Variants in ZCWPW2 observed in about 807,000 individuals in gnomAD.
ZCWPW2 encodes zinc finger CW-type PWWP domain protein 2.
A neutral mutation model predicts 46.6 loss-of-function variants in ZCWPW2; 45 were observed. The observed-to-expected ratio is 0.96, with a 90% confidence interval of 0.76 to 1.24. The LOEUF (loss-of-function observed/expected upper bound fraction) is 1.24. ZCWPW2 is among the 50% of genes most tolerant of loss of function. ZCWPW2 has a pLI of 0.00. For missense variants in ZCWPW2, 429 were observed against 403.9 expected (o/e 1.06, Z -0.53); for synonymous variants, 152 against 137.1 (o/e 1.11, Z -0.76).
chr3:28,351,226 A>G, intron 1 of ZCWPW2, among the ~76,000 whole-genome samples: 1 of 149,878 alleles, frequency 6.7e-6, no homozygotes, highest in Middle Eastern at 3.2e-3. Context: ...TGTCCTGTCT[A>G]CATGTTGTCG....
At chr3:28,495,294 A>G (rs1575207452) in intron 6 of ZCWPW2, among the ~76,000 whole-genome samples, 1 of 152,268 alleles carries the variant, frequency 6.6e-6, no homozygotes, top group Admixed American at 6.6e-5. Context: ...GTTGCCCTTT[A>G]TAAAAGAAAG....
At chr3:28,512,547 A>G (rs141550512) in intron 6 of ZCWPW2, among the ~76,000 whole-genome samples, 81 of 152,172 alleles carry the variant, frequency 5.3e-4, no homozygotes, top group African/African-American at 1.8e-3. Flanking sequence ...TTGTTTCTAT[A>G]TTATTCTTAT....
At chr3:28,356,441 T>G (rs893791987) in intron 1 of ZCWPW2, among the ~76,000 whole-genome samples, 3 of 152,226 alleles carry the variant, frequency 2.0e-5, no homozygotes, top group Admixed American at 2.0e-4. Context: ...TGGAAGACAG[T>G]GTGGCAATTC....
chr3:28,481,401 G>A lies in ZCWPW2; in HGVS notation c.610+2470G>A, dbSNP rs181737102. 7.3e-4 allele frequency among the ~76,000 whole-genome samples: 111 copies of A among 152,052 alleles called. 2 individuals are homozygous for A. Among genetic ancestry groups the A allele is most frequent in the South Asian group, 1.2e-3 (6 of 4,820 alleles). ...TGGGATTACAGGTGCCCGCCACCAC[G>A]CCCAGCTAATTTTTGTATTTTAGTA... On this transcript the variant is annotated intron_variant, in intron 5 of 9. Transcript: ENST00000383768.
At chr3:28,447,901 A>T in intron 4 of ZCWPW2, 4 of 848,482 alleles carry the variant, frequency 4.7e-6, no homozygotes, top group South Asian at 3.9e-5. Context: ...TCGTGCTGTG[A>T]GGCCTAAAGT....
chr3:28,471,251 T>C (rs1034941254), intron 4 of ZCWPW2, among the ~76,000 whole-genome samples: 1 of 152,092 alleles, frequency 6.6e-6, no homozygotes, highest in Non-Finnish European at 1.5e-5. Context: ...TCAAACTCAT[T>C]CTATGAGGCC....
chr3:28,430,137 G>A (rs950787928), intron 3 of ZCWPW2, among the ~76,000 whole-genome samples: 1 of 152,214 alleles, frequency 6.6e-6, no homozygotes, highest in Non-Finnish European at 1.5e-5. Flanking sequence ...AACTGGAAAA[G>A]CCACAGACAC....
At chr3:28,411,228 T>C (rs776906600) in intron 2 of ZCWPW2, among the ~76,000 whole-genome samples, 2 of 151,944 alleles carry the variant, frequency 1.3e-5, no homozygotes, top group African/African-American at 2.4e-5. Flanking sequence ...TATTCAAAAA[T>C]TCATGAATAC....
intron 1 of ZCWPW2, among the ~76,000 whole-genome samples, chr3:28,373,754 T>G (rs894933908): frequency 2.0e-5 from 3 of 152,120 alleles, no homozygotes; most frequent in African/African-American, 7.2e-5. Flanking sequence ...GGATTACAGG[T>G]GTGACCCACC....
chr3:28,475,710 G>C (rs757830030), intron 4 of ZCWPW2, among the ~76,000 whole-genome samples: 1 of 152,064 alleles, frequency 6.6e-6, no homozygotes, highest in Non-Finnish European at 1.5e-5. Context: ...TCCCACATTA[G>C]AGGATTTTTT....
chr3:28,412,548 C>T (rs1696441972), intron 2 of ZCWPW2, among the ~76,000 whole-genome samples: 1 of 151,952 alleles, frequency 6.6e-6, no homozygotes, highest in South Asian at 2.1e-4. Context: ...TAAATTCCAG[C>T]TCTACTGTGT....
intron 1 of ZCWPW2, among the ~76,000 whole-genome samples, chr3:28,358,166 AT>A (rs1202872349): frequency 6.6e-6 from 1 of 151,872 alleles, no homozygotes; most frequent in Non-Finnish European, 1.5e-5. Flanking sequence ...TCGTTTAAAA[AT>A]TTTTTTCTTC....
At chr3:28,436,113 C>T (rs980641833) in intron 4 of ZCWPW2, among the ~76,000 whole-genome samples, 2 of 151,938 alleles carry the variant, frequency 1.3e-5, no homozygotes, top group African/African-American at 4.8e-5. Flanking sequence ...TTTGCACCAA[C>T]CTAATAGTTT....
At chr3:28,490,695 G>T (rs898130582) in intron 5 of ZCWPW2, among the ~76,000 whole-genome samples, 2 of 151,834 alleles carry the variant, frequency 1.3e-5, no homozygotes, top group Non-Finnish European at 2.9e-5. Flanking sequence ...AGAGGGTGAG[G>T]ATTGAAAAAC....
intron 1 of ZCWPW2, among the ~76,000 whole-genome samples, chr3:28,378,658 A>G (rs1012268467): frequency 1.3e-5 from 2 of 152,112 alleles, no homozygotes; most frequent in African/African-American, 2.4e-5. Flanking sequence ...CAACTGATAC[A>G]CATGGCCATG....
intron 1 of ZCWPW2, among the ~76,000 whole-genome samples, chr3:28,369,715 A>T (rs1424084743): frequency 1.3e-5 from 2 of 152,150 alleles, no homozygotes; most frequent in Non-Finnish European, 2.9e-5. Flanking sequence ...TCTGCAGAGG[A>T]TTCTGCTGCC....
intron 2 of ZCWPW2, among the ~76,000 whole-genome samples, chr3:28,403,147 C>A (rs1331760018): frequency 6.6e-6 from 1 of 152,180 alleles, no homozygotes; most frequent in East Asian, 1.9e-4. Flanking sequence ...ACCTAGAGAA[C>A]CCTAAAGACT....
intron 1 of ZCWPW2, among the ~76,000 whole-genome samples, chr3:28,373,620 T>G (rs954097100): frequency 4.0e-5 from 6 of 151,836 alleles, no homozygotes; most frequent in Admixed American, 1.3e-4. Context: ...GGATTACAGG[T>G]GTGCACCACT....
At chr3:28,432,848 C>T (rs1030122796) in intron 3 of ZCWPW2, among the ~76,000 whole-genome samples, 20 of 152,122 alleles carry the variant, frequency 1.3e-4, no homozygotes, top group East Asian at 5.8e-4. Flanking sequence ...ATTACTGAGA[C>T]GAACTCATCT....
Sources: allele counts gnomAD v4.1 joint callset (sites outside exome capture counted in the v4.1 genomes callset), GRCh38; gene constraint gnomAD v4.1.1; transcripts MANE v1.5; gene names NCBI Gene and HGNC (gene_info 2026-07-23, HGNC 2026-07-21).